Variants in AOPEP observed in about 807,000 individuals in gnomAD.
AOPEP encodes aminopeptidase O.
A neutral mutation model predicts 98.1 loss-of-function variants in AOPEP; 77 were observed. The ratio of observed to expected loss-of-function variants is 0.78; its 90% confidence interval spans 0.65 to 0.95. The LOEUF (loss-of-function observed/expected upper bound fraction) is 0.95, where lower values mean the gene tolerates loss of function less well. Ranked by LOEUF, AOPEP falls within the 40% of genes least tolerant of loss-of-function variation. AOPEP has a pLI of 0.00. For synonymous variants in AOPEP, 346 were observed against 365.3 expected (o/e 0.95, Z 0.60); for missense variants, 1,024 against 1,024.7 (o/e 1.00, Z 0.01).
At chr9:95,103,353 T>C in the AOPEP span, among the ~76,000 whole-genome samples, 4 of 152,210 alleles carry the variant, frequency 2.6e-5, no homozygotes, top group Non-Finnish European at 5.9e-5. Context: ...CCTTGGCTGG[T>C]GCACCAAGAG....
chr9:95,129,065 G>T, the AOPEP span, among the ~76,000 whole-genome samples: 1 of 152,032 alleles, frequency 6.6e-6, no homozygotes, highest in Middle Eastern at 3.4e-3. Flanking sequence ...ACCACACCTG[G>T]CTAATTTTTG....
chr9:94,896,474 G>A (rs2049577914), intron 5 of AOPEP, among the ~76,000 whole-genome samples: 2 of 152,100 alleles, frequency 1.3e-5, no homozygotes, highest in South Asian at 2.1e-4. Context: ...AAAGAATAAC[G>A]TTACAGTGGA....
intron 5 of AOPEP, among the ~76,000 whole-genome samples, chr9:94,881,215 T>G (rs1311701958): frequency 6.6e-6 from 1 of 151,606 alleles, no homozygotes; most frequent in African/African-American, 2.4e-5. Context: ...CAGATGAAAC[T>G]TGTAGCAACT....
In AOPEP at chr9:94,918,938, C is replaced by T. The variant is rs576475431; in HGVS notation, c.1365-5048C>T. 6.0e-5 allele frequency among the ~76,000 whole-genome samples: 9 copies of T among 150,710 alleles called. No homozygotes were observed. In the East Asian group the frequency reaches 1.6e-3, roughly 26 times the overall value. ...TTTAATTTTGTTGTTGTTGTTGAGT[C>T]GGAGTCTCGCACTGTTGCCTGGGCT... is the stretch of plus-strand genomic sequence containing the variant. On this transcript the variant is annotated intron_variant, in intron 5 of 16. Transcript: ENST00000375315.
chr9:94,912,906 C>T (rs1447025821), intron 5 of AOPEP, among the ~76,000 whole-genome samples: 1 of 152,190 alleles, frequency 6.6e-6, no homozygotes. Flanking sequence ...TGCACCAGCC[C>T]CAGCAAGGTC....
At chr9:94,763,985 G>A (rs979028186) in intron 2 of AOPEP, among the ~76,000 whole-genome samples, 1 of 152,170 alleles carries the variant, frequency 6.6e-6, no homozygotes, top group African/African-American at 2.4e-5. Context: ...CACTCCTTAA[G>A]TGTGGACTAT....
At chr9:95,074,032 C>T (rs2068786788) in intron 14 of AOPEP, among the ~76,000 whole-genome samples, 1 of 152,142 alleles carries the variant, frequency 6.6e-6, no homozygotes, top group Admixed American at 6.5e-5. Context: ...ATCACTCTGC[C>T]CCGCACCATT....
intron 13 of AOPEP, among the ~76,000 whole-genome samples, chr9:95,012,834 C>A (rs368885237): frequency 2.0e-5 from 3 of 152,084 alleles, no homozygotes; most frequent in East Asian, 3.9e-4. Flanking sequence ...ATGAATGAAT[C>A]CCACAAATGG....
chr9:94,828,731 C>T (rs1341846136), intron 5 of AOPEP, among the ~76,000 whole-genome samples: 1 of 151,868 alleles, frequency 6.6e-6, no homozygotes, highest in Non-Finnish European at 1.5e-5. Context: ...CATATACACA[C>T]ACAATATATA....
At chr9:95,053,898 G>A (rs891089165) in intron 13 of AOPEP, among the ~76,000 whole-genome samples, 3 of 152,112 alleles carry the variant, frequency 2.0e-5, no homozygotes, top group Non-Finnish European at 4.4e-5. Context: ...GGGGTGGGTA[G>A]GGAGCGAGGT....
At position 94,846,274 on chromosome 9, in the gene AOPEP, G is replaced by A. The variant is rs537029644; in HGVS notation, c.1364+45272G>A. Among the ~76,000 whole-genome samples the A allele has an allele frequency of 6.6e-5, 10 of 152,212 alleles. No individual in the cohort carries two copies. In the East Asian group the frequency reaches 1.4e-3, roughly 21 times the overall value. On this transcript the variant is annotated intron_variant, in intron 5 of 16. Transcript: ENST00000375315. ...GGTGGAAAGAAGATCAGTGGTGTGC[G>A]GACTGAGCTGTGGTGTCAGGAATAT...
chr9:94,915,221 A>T (rs2052626241), intron 5 of AOPEP, among the ~76,000 whole-genome samples: 1 of 152,250 alleles, frequency 6.6e-6, no homozygotes, highest in African/African-American at 2.4e-5. Flanking sequence ...GTTAACGAAC[A>T]TAAAATACTT....
chr9:94,975,906 G>A (rs2059811610), intron 10 of AOPEP, among the ~76,000 whole-genome samples: 1 of 152,198 alleles, frequency 6.6e-6, no homozygotes, highest in Admixed American at 6.5e-5. Flanking sequence ...GAGCTGAACG[G>A]AGTCTGCACA....
intron 2 of AOPEP, among the ~76,000 whole-genome samples, chr9:94,767,579 T>C (rs538018433): frequency 7.9e-5 from 12 of 152,340 alleles, no homozygotes; most frequent in Admixed American, 5.9e-4. Flanking sequence ...CATTTCCTCA[T>C]CTGTAAAACG....
intron 9 of AOPEP, among the ~76,000 whole-genome samples, chr9:94,966,024 T>C (rs574699180): frequency 1.4e-5 from 2 of 145,870 alleles, no homozygotes; most frequent in Non-Finnish European, 1.5e-5. Context: ...GAGTCTTGTG[T>C]AGAGTCTGTA....
At chr9:95,092,948 C>T in the AOPEP span, among the ~76,000 whole-genome samples, 2 of 152,180 alleles carry the variant, frequency 1.3e-5, 1 homozygote, top group South Asian at 4.1e-4. Context: ...TCCCCAGGGA[C>T]TTCAGCTGCA....
At chr9:94,994,239 C>G (rs1020860215) in intron 11 of AOPEP, among the ~76,000 whole-genome samples, 2 of 152,160 alleles carry the variant, frequency 1.3e-5, no homozygotes, top group Non-Finnish European at 2.9e-5. Flanking sequence ...ATAAATGCCT[C>G]TAGTCAATTA....
At chr9:94,809,995 C>T (rs377343613) in intron 5 of AOPEP, 1 of 156,020 alleles carries the variant, frequency 6.4e-6, no homozygotes, top group Non-Finnish European at 1.5e-5. Flanking sequence ...TGTGTGTTGC[C>T]TGGGGACTGT....
chr9:95,148,027 G>A, the AOPEP span, among the ~76,000 whole-genome samples: 3 of 151,990 alleles, frequency 2.0e-5, no homozygotes, highest in Non-Finnish European at 4.4e-5. Flanking sequence ...CACTGATAGC[G>A]CAAAAGCAAC....
Sources: gnomAD v4.1 joint callset for allele counts (sites outside exome capture counted in the v4.1 genomes callset) on GRCh38, gnomAD v4.1.1 for gene constraint, MANE v1.5 for transcripts, NCBI Gene and HGNC (gene_info 2026-07-23, HGNC 2026-07-21) for gene names.